Variants in LRRTM4 observed in about 807,000 individuals in gnomAD.
LRRTM4 encodes leucine-rich repeat transmembrane neuronal protein 4.
A neutral mutation model predicts 47.6 loss-of-function variants in LRRTM4; 25 were observed. That is an observed-to-expected ratio of 0.53 (90% confidence interval 0.38 to 0.73). LRRTM4 has a LOEUF of 0.73. LRRTM4 is among the 30% of genes least tolerant of loss of function. The pLI is 0.00. For synonymous variants in LRRTM4, 311 were observed against 269.5 expected (o/e 1.15, Z -1.51); for missense variants, 638 against 713.4 (o/e 0.89, Z 1.20).
intron 3 of LRRTM4, among the ~76,000 whole-genome samples, chr2:76,905,715 C>T (rs1673809204): frequency 6.7e-6 from 1 of 148,890 alleles, no homozygotes; most frequent in South Asian, 2.1e-4. Context: ...GCCTCAGGAG[C>T]CGATGCGATC....
chr2:77,403,873 T>A (rs1352831909), intron 3 of LRRTM4, among the ~76,000 whole-genome samples: 2 of 150,736 alleles, frequency 1.3e-5, no homozygotes, highest in African/African-American at 4.9e-5. Flanking sequence ...ATGAGAAATA[T>A]ATATATATAT....
chr2:76,951,894 T>A (rs1675510403), intron 3 of LRRTM4, among the ~76,000 whole-genome samples: 1 of 151,990 alleles, frequency 6.6e-6, no homozygotes, highest in Non-Finnish European at 1.5e-5. Flanking sequence ...TAGTTTTCTG[T>A]TCCTATGTTA....
At chr2:77,336,063 C>T (rs918086385) in intron 3 of LRRTM4, among the ~76,000 whole-genome samples, 4 of 149,016 alleles carry the variant, frequency 2.7e-5, no homozygotes, top group African/African-American at 9.9e-5. Flanking sequence ...AGTAGTTTTA[C>T]TTATTCTTGC....
Position 76,748,902 on chromosome 2 carries a change from C to T in LRRTM4, c.1566G>A (p.Met522Ile). 1 of 1,613,902 alleles carries T rather than the reference C, an allele frequency of 6.2e-7. No homozygotes were observed. Among genetic ancestry groups the T allele is most frequent in the Non-Finnish European group, 8.5e-7 (1 of 1,179,840 alleles). ...CATAGCTGTAATATGGCAAGGGCTT[C>T]ATGTGGTGTGGCATCTGGATATGAG... Reference protein sequence around the residue: ...GSRECEMPHHMKPLPYYSYDQ... With the variant: ...GSRECEMPHHIKPLPYYSYDQ... The change falls in exon 4 of 4, where the codon ATG becomes ATA. Residue 522 changes from methionine to isoleucine, a missense_variant. By Grantham distance (10) the Met-to-Ile change is conservative. Transcript: ENST00000409884.
At position 77,261,319 on chromosome 2, in the gene LRRTM4, A is replaced by T. The variant is rs75314840; in HGVS notation, c.1551+256999T>A. On this transcript the variant is annotated intron_variant, in intron 3 of 3. Coordinates refer to ENST00000409884, the MANE Select transcript of LRRTM4 (RefSeq NM_001134745.3). Reference sequence around the variant, plus strand: ...AGTCCTCTCACAGCTAGACACGGTCATATATGCTCTAGTCAATGGGCTGTG... The same window carrying T: ...AGTCCTCTCACAGCTAGACACGGTCTTATATGCTCTAGTCAATGGGCTGTG... Among the ~76,000 whole-genome samples the T allele has an allele frequency of 8.3e-3, 1,270 of 152,250 alleles. 14 individuals carry two copies. The highest frequency in any genetic ancestry group is 0.028 in the African/African-American group (1,167 of 41,548).
intron 3 of LRRTM4, among the ~76,000 whole-genome samples, chr2:77,059,399 A>C (rs1178646139): frequency 6.6e-6 from 1 of 151,894 alleles, no homozygotes; most frequent in African/African-American, 2.4e-5. Flanking sequence ...GGGTAGCTTC[A>C]GCACTTAGAT....
intron 3 of LRRTM4, among the ~76,000 whole-genome samples, chr2:77,279,067 A>C (rs996060038): frequency 1.3e-5 from 2 of 152,016 alleles, no homozygotes; most frequent in Non-Finnish European, 2.9e-5. Context: ...CCATTACCAA[A>C]TTCTAAGATG....
intron 3 of LRRTM4, among the ~76,000 whole-genome samples, chr2:77,095,759 C>G (rs556157550): frequency 6.6e-6 from 1 of 152,054 alleles, no homozygotes; most frequent in Non-Finnish European, 1.5e-5. Context: ...CAGATCCACC[C>G]GCCTTGGCCT....
chr2:77,185,546 C>T (rs1558623951), intron 3 of LRRTM4, among the ~76,000 whole-genome samples: 2 of 152,076 alleles, frequency 1.3e-5, no homozygotes, highest in Admixed American at 1.3e-4. Flanking sequence ...TGACCAAGGT[C>T]ACACAGCAAG....
intron 3 of LRRTM4, among the ~76,000 whole-genome samples, chr2:77,121,988 G>T (rs1023472049): frequency 1.3e-5 from 2 of 151,472 alleles, no homozygotes; most frequent in African/African-American, 2.4e-5. Context: ...TACTTCCTAG[G>T]TTGCCACTGC....
intron 3 of LRRTM4, among the ~76,000 whole-genome samples, chr2:77,002,043 A>G (rs1026519484): frequency 6.6e-6 from 1 of 152,164 alleles, no homozygotes; most frequent in African/African-American, 2.4e-5. Flanking sequence ...CACAATTTAT[A>G]AAATACACGC....
chr2:77,249,845 C>T (rs555686630), intron 3 of LRRTM4, among the ~76,000 whole-genome samples: 1 of 152,296 alleles, frequency 6.6e-6, no homozygotes, highest in Non-Finnish European at 1.5e-5. Flanking sequence ...GTAAAACTTA[C>T]ATCCACAGAA....
At chr2:76,845,512 AGAATTCTCCAGGGAGGGAGGCAGGCCT>A (rs1348684061) in intron 3 of LRRTM4, among the ~76,000 whole-genome samples, 4 of 152,066 alleles carry the variant, frequency 2.6e-5, no homozygotes, top group African/African-American at 4.8e-5. Context: ...CTCTGTGGGA[AGAATTCTCCAGGGAGGGAGGCAGGCCT>A]GACCTGGAGG....
chr2:76,965,400 T>C (rs774817449), intron 3 of LRRTM4, among the ~76,000 whole-genome samples: 1 of 151,216 alleles, frequency 6.6e-6, no homozygotes, highest in Non-Finnish European at 1.5e-5. Context: ...ATTCAAAATA[T>C]GAAAATCAAT....
intron 3 of LRRTM4, among the ~76,000 whole-genome samples, chr2:77,244,592 C>A (rs184895506): frequency 5.9e-5 from 9 of 151,938 alleles, no homozygotes; most frequent in Admixed American, 3.9e-4. Context: ...CCCTCCACCC[C>A]CTCCTGATAC....
chr2:76,807,386 A>C (rs1438062438), intron 3 of LRRTM4, among the ~76,000 whole-genome samples: 1 of 126,486 alleles, frequency 7.9e-6, no homozygotes, highest in Non-Finnish European at 1.5e-5. Context: ...TTCATTTTAT[A>C]TATATATATA....
chr2:76,930,564 T>C (rs990096559), intron 3 of LRRTM4, among the ~76,000 whole-genome samples: 2 of 152,198 alleles, frequency 1.3e-5, no homozygotes, highest in Non-Finnish European at 1.5e-5. Flanking sequence ...CTCTTGGTCA[T>C]TGATTTCTCC....
intron 3 of LRRTM4, among the ~76,000 whole-genome samples, chr2:76,945,548 GC>G (rs529024659): frequency 2.1e-3 from 317 of 152,122 alleles, no homozygotes; most frequent in African/African-American, 7.2e-3. Flanking sequence ...AAAAGAAGCA[GC>G]ATTTGATTAC....
chr2:76,748,824 C>T lies in LRRTM4; in HGVS notation c.1644G>A (p.Lys548=). ...GCTCTGGAGACACTGTCTCATAGCCCTTGGTGACATGGAGTGGCTGGTGGG... is the reference window on the plus strand; with the variant it reads ...GCTCTGGAGACACTGTCTCATAGCCTTTGGTGACATGGAGTGGCTGGTGGG... ...CQAHQPLHVT[K]GYETVSPEQD... is the part of the protein sequence containing the mutation. Residue 548 remains lysine (K), a synonymous_variant, in exon 4 of 4, where the codon AAG becomes AAA. Transcript: ENST00000409884. 6.2e-7 allele frequency: 1 copy of T among 1,613,996 alleles called. No homozygotes were observed. The highest frequency in any genetic ancestry group is 2.2e-5 in the East Asian group (1 of 44,878).
Sources: gnomAD v4.1 joint callset for allele counts (sites outside exome capture counted in the v4.1 genomes callset) on GRCh38, gnomAD v4.1.1 for gene constraint, MANE v1.5 for transcripts, NCBI Gene and HGNC (gene_info 2026-07-23, HGNC 2026-07-21) for gene names.